RUNX2: variants seen among roughly 807,000 people sequenced by gnomAD.
RUNX2 encodes RUNX family transcription factor 2, also known as runt-related transcription factor 2.
In RUNX2, 10 loss-of-function variants were observed where a neutral mutation model predicts 51.7. That is an observed-to-expected ratio of 0.19 (90% CI 0.12 to 0.33). The LOEUF (loss-of-function observed/expected upper bound fraction) is 0.33, where lower values mean the gene tolerates loss of function less well. RUNX2 is among the 10% of genes least tolerant of loss of function. The probability of loss-of-function intolerance (pLI) is 1.00; values close to 1 mark genes in which losing one functional copy is unlikely to be tolerated. For missense variants in RUNX2, 562 were observed against 691.3 expected, an observed-to-expected ratio of 0.81 and a Z score of 2.10; for synonymous variants, 276 against 273.6, an observed-to-expected ratio of 1.01 and a Z score of -0.09.
intron 2 of RUNX2, among the ~76,000 whole-genome samples, chr6:45,365,515 TACTC>T (rs1259331769): frequency 6.6e-6 from 1 of 151,734 alleles, no homozygotes; most frequent in Admixed American, 6.6e-5. Context: ...GTCAGCCAAT[TACTC>T]ACTTCAGTGA....
intron 4 of RUNX2, among the ~76,000 whole-genome samples, chr6:45,434,718 A>G (rs1234897160): frequency 6.6e-6 from 1 of 151,726 alleles, no homozygotes; most frequent in Non-Finnish European, 1.5e-5. Flanking sequence ...TTTTTTTGGT[A>G]TGCTTTCTTT....
At chr6:45,372,088 TG>T (rs1489032078) in intron 2 of RUNX2, 1 of 911,326 alleles carries the variant, frequency 1.1e-6, no homozygotes, top group Non-Finnish European at 1.3e-6. Context: ...CAGTGAACTG[TG>T]TTGTGAAATA....
intron 5 of RUNX2, among the ~76,000 whole-genome samples, chr6:45,469,950 A>G (rs1799748190): frequency 6.6e-6 from 1 of 152,162 alleles, no homozygotes; most frequent in African/African-American, 2.4e-5. Context: ...ACGAACCCTC[A>G]GCCTCCTAAC....
intron 2 of RUNX2, among the ~76,000 whole-genome samples, chr6:45,346,990 A>G (rs985133026): frequency 6.6e-6 from 1 of 152,200 alleles, no homozygotes; most frequent in African/African-American, 2.4e-5. Flanking sequence ...AAGAAATACT[A>G]TATAAGAAAA....
intron 2 of RUNX2, chr6:45,365,144 T>C: frequency 1.8e-6 from 2 of 1,083,388 alleles, no homozygotes; most frequent in Non-Finnish European, 2.7e-6. Context: ...GTCTATTGTC[T>C]TTCAACATGA....
rs532732905 is a variant in RUNX2, at chr6:45,493,043, C to T, written c.859+929C>T. 4.8e-4 allele frequency among the ~76,000 whole-genome samples: 73 copies of T among 152,174 alleles called. No individual in the cohort carries two copies. In the South Asian group the frequency reaches 5.6e-3, roughly 12 times the overall value. On this transcript the variant is annotated intron_variant, in intron 6 of 8. Coordinates refer to ENST00000647337, the MANE Select transcript of RUNX2 (RefSeq NM_001024630.4). ...GATTTTTGTTTATAGTAGTTAGGCT[C>T]GAATGTTCTTAATGGTCTCAAAACA...
chr6:45,438,113 T>C, intron 5 of RUNX2, 62 bp downstream of exon 5: 1 of 1,050,868 alleles, frequency 9.5e-7, no homozygotes, highest in Non-Finnish European at 1.5e-6. Context: ...ATGAGGAATT[T>C]ATTCCAAATG....
At chr6:45,525,410 A>G (rs1285524580) in intron 7 of RUNX2, among the ~76,000 whole-genome samples, 1 of 152,168 alleles carries the variant, frequency 6.6e-6, no homozygotes, top group East Asian at 1.9e-4. Context: ...TTCTTCCATG[A>G]CTCAAGCATG....
intron 2 of RUNX2, among the ~76,000 whole-genome samples, chr6:45,373,312 G>C (rs913770506): frequency 6.6e-6 from 1 of 152,006 alleles, no homozygotes; most frequent in African/African-American, 2.4e-5. Context: ...TATTTTCAGA[G>C]GGAGAACTAC....
chr6:45,510,644 G>A (rs1051710849), intron 6 of RUNX2, among the ~76,000 whole-genome samples: 5 of 151,990 alleles, frequency 3.3e-5, no homozygotes, highest in African/African-American at 7.3e-5. Flanking sequence ...AGAATAATAG[G>A]TGATGTGTAG....
chr6:45,514,431 A>G (rs1801258038), intron 7 of RUNX2, among the ~76,000 whole-genome samples: 1 of 152,208 alleles, frequency 6.6e-6, no homozygotes, highest in African/African-American at 2.4e-5. Flanking sequence ...CTTAGGCCAC[A>G]GGTAGGAGTG....
chr6:45,509,588 T>C (rs747480198), intron 6 of RUNX2, among the ~76,000 whole-genome samples: 13 of 152,200 alleles, frequency 8.5e-5, no homozygotes, highest in Non-Finnish European at 1.3e-4. Flanking sequence ...GCTGCCTCAT[T>C]TTCCAGATGA....
rs1484705537 is a variant in RUNX2, at chr6:45,493,552, G to T, written c.859+1438G>T. ...TTGAAAAATGACCCTTGAGTACAAT[G>T]ATTGCTGTTTGGGTTATGGGTGCAC... On this transcript the variant is annotated intron_variant, in intron 6 of 8. Coordinates refer to ENST00000647337, the MANE Select transcript of RUNX2 (RefSeq NM_001024630.4). 9.2e-5 allele frequency among the ~76,000 whole-genome samples: 14 copies of T among 152,062 alleles called. No homozygotes were observed. The East Asian group carries it at 2.5e-3, about 27-fold the overall frequency.
At position 45,550,103 on chromosome 6, in the gene RUNX2, T is replaced by G. The variant is rs975770146; in HGVS notation, c.*2798T>G. Reference sequence around the variant, plus strand: ...AAGTCTTACTACTACTGTGGAACCATGTACTAGTTCCTGGGAATTAAAATA... The same window carrying G: ...AAGTCTTACTACTACTGTGGAACCAGGTACTAGTTCCTGGGAATTAAAATA... On this transcript the variant is annotated 3_prime_UTR_variant, in exon 9 of 9. Transcript: ENST00000647337. 3 of 152,650 alleles carry G rather than the reference T, an allele frequency of 2.0e-5. No individual in the cohort carries two copies. The highest frequency in any genetic ancestry group is 2.1e-4 in the South Asian group (1 of 4,830). The allele number at this position is 152,650 out of a possible 1,614,324, so 9.5% of individuals were successfully genotyped here. A position where few individuals can be genotyped will look rare whatever the true frequency, so the allele number is the denominator to read the frequency against.
rs557555226 is a variant in RUNX2 at position 45,550,953 on chromosome 6, A to G, written c.*3648A>G. ...ATGATTGTGGATGAGTTTACTCTTAACTTCAAAGGGACTATTTGTATTGTA... is the reference window on the plus strand; with the variant it reads ...ATGATTGTGGATGAGTTTACTCTTAGCTTCAAAGGGACTATTTGTATTGTA... On this transcript the variant is annotated 3_prime_UTR_variant, in exon 9 of 9. Transcript: ENST00000647337. 1.3e-5 allele frequency: 2 copies of G among 152,776 alleles called. No homozygotes were observed. Among genetic ancestry groups the G allele is most frequent in the South Asian group, 4.1e-4 (2 of 4,828 alleles). The allele number at this position is 152,776 out of a possible 1,614,324, so 9.5% of individuals were successfully genotyped here. A position where few individuals can be genotyped will look rare whatever the true frequency, so the allele number is the denominator to read the frequency against.
chr6:45,511,880 G>C (rs1328624013), intron 6 of RUNX2, among the ~76,000 whole-genome samples: 1 of 152,170 alleles, frequency 6.6e-6, no homozygotes, highest in East Asian at 1.9e-4. Flanking sequence ...TTCACTGGAG[G>C]AATTTTAGAG....
chr6:45,331,428 T>C (rs913496464), intron 2 of RUNX2, among the ~76,000 whole-genome samples: 1 of 151,958 alleles, frequency 6.6e-6, no homozygotes, highest in Admixed American at 6.6e-5. Flanking sequence ...AATATATTTA[T>C]AGTTTCAAGA....
intron 5 of RUNX2, among the ~76,000 whole-genome samples, chr6:45,464,075 C>A (rs898641521): frequency 1.6e-4 from 24 of 152,208 alleles, no homozygotes; most frequent in African/African-American, 5.8e-4. Flanking sequence ...TGCCTGTAGT[C>A]CCAGCTACTC....
At chr6:45,499,350 T>G (rs1030745740) in intron 6 of RUNX2, among the ~76,000 whole-genome samples, 3 of 152,162 alleles carry the variant, frequency 2.0e-5, no homozygotes, top group Admixed American at 2.0e-4. Context: ...CAATCCTTAT[T>G]TTTAGAAAGG....
Sources: allele counts gnomAD v4.1 joint callset (sites outside exome capture counted in the v4.1 genomes callset), GRCh38; gene constraint gnomAD v4.1.1; transcripts MANE v1.5; gene names NCBI Gene and HGNC (gene_info 2026-07-23, HGNC 2026-07-21).